TNIK: variants seen among roughly 807,000 people sequenced by gnomAD.
The protein encoded by TNIK is TRAF2 and NCK interacting kinase.
In TNIK, 49 loss-of-function variants were observed where a neutral mutation model predicts 191.3. The ratio of observed to expected loss-of-function variants is 0.26; its 90% CI spans 0.20 to 0.32. The LOEUF is 0.32. Ranked by LOEUF, TNIK falls within the 10% of genes least tolerant of loss-of-function variation. The pLI is 1.00. For synonymous variants in TNIK, 594 were observed against 600.9 expected, an observed-to-expected ratio of 0.99 and a Z score of 0.17; for missense variants, 1,155 against 1,702.3, an observed-to-expected ratio of 0.68 and a Z score of 5.66.
At chr3:171,187,818 A>G (rs549626845) in intron 7 of TNIK, among the ~76,000 whole-genome samples, 29 of 152,148 alleles carry the variant, frequency 1.9e-4, no homozygotes, top group Non-Finnish European at 3.8e-4. Context: ...AAGTCCATGC[A>G]CCTCTGAAAC....
chr3:171,347,297 CTT>C, intron 2 of TNIK: 1 of 1,438,496 alleles, frequency 7.0e-7, no homozygotes, highest in Non-Finnish European at 9.3e-7. Context: ...ACTCTCTTCT[CTT>C]TGACAGCCAA....
At chr3:171,399,624 TA>T (rs1720667564) in intron 1 of TNIK, among the ~76,000 whole-genome samples, 1 of 152,094 alleles carries the variant, frequency 6.6e-6, no homozygotes, top group Non-Finnish European at 1.5e-5. Context: ...ATTATGTTGA[TA>T]AGAATTTTTT....
intron 4 of TNIK, among the ~76,000 whole-genome samples, chr3:171,209,908 A>G (rs1740583438): frequency 6.6e-6 from 1 of 152,132 alleles, no homozygotes; most frequent in Admixed American, 6.6e-5. Context: ...GAAATGTCTG[A>G]TGCATTAAAA....
At chr3:171,108,345 C>T (rs1202815843) in intron 19 of TNIK, among the ~76,000 whole-genome samples, 183 bp from the exon 20 acceptor site, 1 of 152,060 alleles carries the variant, frequency 6.6e-6, no homozygotes, top group Non-Finnish European at 1.5e-5. Context: ...CACATTTAGG[C>T]TTGTGACCTG....
rs150384769 is a variant in TNIK at position 171,347,391 on chromosome 3, T to TCACACACA, written c.123+22221_123+22228dup. Among the ~76,000 whole-genome samples, 321 of 146,170 alleles carry TCACACACA rather than the reference T, an allele frequency of 2.2e-3. 1 individual carries two copies. The highest frequency in any genetic ancestry group is 8.3e-3 in the South Asian group (37 of 4,466). ...CTGGCCCTCAGCTGAGAAGTGCCTA[T>TCACACACA]CACACACACACACACACACACACAC... is the stretch of plus-strand genomic sequence containing the variant. On this transcript the variant is annotated intron_variant, in intron 2 of 32. Transcript: ENST00000436636.
At chr3:171,116,719 A>ATCTTT (rs3081369) in intron 18 of TNIK, among the ~76,000 whole-genome samples, 83,939 of 151,586 alleles carry the variant, frequency 0.55, 23,338 homozygotes, top group Non-Finnish European at 0.59. Context: ...CTTAATTTGA[A>ATCTTT]TCTTATTCAG....
At chr3:171,379,885 T>C (rs949259310) in intron 1 of TNIK, among the ~76,000 whole-genome samples, 2 of 152,094 alleles carry the variant, frequency 1.3e-5, no homozygotes, top group African/African-American at 4.8e-5. Flanking sequence ...GGTACACGCC[T>C]ATAATCCCAG....
At chr3:171,211,074 G>C in intron 4 of TNIK, 42 bp downstream of exon 4, 1 of 1,599,218 alleles carries the variant, frequency 6.3e-7, no homozygotes, top group Non-Finnish European at 8.5e-7. Flanking sequence ...GGCCGTGTTT[G>C]TTTTTTATGT....
chr3:171,343,815 G>A (rs953510194), intron 2 of TNIK, among the ~76,000 whole-genome samples: 1 of 152,088 alleles, frequency 6.6e-6, no homozygotes, highest in Non-Finnish European at 1.5e-5. Context: ...AACCAAGTAG[G>A]TTATTATTAA....
rs541022679 is a variant in TNIK at position 171,323,189 on chromosome 3, T to G, written c.123+46431A>C. Among the ~76,000 whole-genome samples, 4 of 152,362 alleles carry G rather than the reference T, an allele frequency of 2.6e-5. No individual in the cohort carries two copies. The South Asian group carries it at 8.3e-4, about 32-fold the overall frequency. ...CTCTCTAGGCCCTTATCAAAAATGT[T>G]TGCCAATATCTGTTTTAGCACATGA... On this transcript the variant is annotated intron_variant, in intron 2 of 32. Transcript: ENST00000436636.
chr3:171,210,564 T>A (rs555393387), intron 4 of TNIK, among the ~76,000 whole-genome samples: 1 of 152,214 alleles, frequency 6.6e-6, no homozygotes, highest in East Asian at 1.9e-4. Flanking sequence ...TACCAGACAC[T>A]GTATTAGGTA....
chr3:171,226,309 T>C lies in TNIK; in HGVS notation c.180+1856A>G, dbSNP rs1577177516. 2.0e-5 allele frequency among the ~76,000 whole-genome samples: 3 copies of C among 152,210 alleles called. No individual in the cohort carries two copies. The South Asian group carries it at 6.2e-4, about 32-fold the overall frequency. ...AAGGGGCTCATTTGTACCCTTCTGCTCCCCCTGCTCTCCCTTTTTTGCCTG... is the reference window on the plus strand; with the variant it reads ...AAGGGGCTCATTTGTACCCTTCTGCCCCCCCTGCTCTCCCTTTTTTGCCTG... On this transcript the variant is annotated intron_variant, in intron 3 of 32. Transcript: ENST00000436636.
At chr3:171,451,604 A>G (rs913808208) in intron 1 of TNIK, among the ~76,000 whole-genome samples, 2 of 152,222 alleles carry the variant, frequency 1.3e-5, no homozygotes. Context: ...AATAAGATGG[A>G]GCCCTCCATG....
At chr3:171,458,965 A>C (rs111920455) in intron 1 of TNIK, among the ~76,000 whole-genome samples, 7 of 152,278 alleles carry the variant, frequency 4.6e-5, no homozygotes, top group African/African-American at 1.7e-4. Flanking sequence ...TTAAAATGGC[A>C]AGAAAGCTCT....
intron 2 of TNIK, among the ~76,000 whole-genome samples, chr3:171,293,245 T>C (rs1751889703): frequency 6.6e-6 from 1 of 152,196 alleles, no homozygotes; most frequent in South Asian, 2.1e-4. Flanking sequence ...AATGATGAAC[T>C]ATAGGTTGGC....
At chr3:171,247,789 TAA>T (rs1745770307) in intron 2 of TNIK, among the ~76,000 whole-genome samples, 1 of 151,918 alleles carries the variant, frequency 6.6e-6, no homozygotes, top group Non-Finnish European at 1.5e-5. Context: ...CCAAGTGAAA[TAA>T]AGACTAAAAA....
chr3:171,207,309 T>C (rs115377650), intron 4 of TNIK, among the ~76,000 whole-genome samples: 3,641 of 152,208 alleles, frequency 0.024, 134 homozygotes, highest in African/African-American at 0.084. Context: ...ATACAAGGGT[T>C]CCCTTCTCTC....
At chr3:171,302,578 C>T (rs193246041) in intron 2 of TNIK, among the ~76,000 whole-genome samples, 4 of 152,176 alleles carry the variant, frequency 2.6e-5, no homozygotes, top group South Asian at 4.1e-4. Context: ...GAACATTAGA[C>T]TTTAAAATTT....
At position 171,366,968 on chromosome 3, in the gene TNIK, G is replaced by A. The variant is rs887743989; in HGVS notation, c.123+2652C>T. ...TGAAGAGGTGGCTTCTGCCATGATC[G>A]TAAATTTCCTGAGGCCTCCTCAGCC... On this transcript the variant is annotated intron_variant, in intron 2 of 32. Coordinates refer to ENST00000436636, the MANE Select transcript of TNIK (RefSeq NM_015028.4). This position sits in a 1 kb window ranked among gnomAD's most constrained non-coding sequence, Gnocchi z 4.1. Among the ~76,000 whole-genome samples, 5 of 152,280 alleles carry A rather than the reference G, an allele frequency of 3.3e-5. No individual in the cohort carries two copies. The highest frequency in any genetic ancestry group is 2.1e-4 in the South Asian group (1 of 4,826).
Sources: allele counts gnomAD v4.1 joint callset (sites outside exome capture counted in the v4.1 genomes callset), GRCh38; gene constraint gnomAD v4.1.1; non-coding constraint Gnocchi (gnomAD v3.1); transcripts MANE v1.5; gene names NCBI Gene and HGNC (gene_info 2026-07-23, HGNC 2026-07-21).